REC114: variants seen among roughly 807,000 people sequenced by gnomAD.
REC114 encodes REC114 meiotic recombination protein, also known as meiotic recombination protein REC114.
Under a neutral mutation model 31.3 loss-of-function variants are expected in REC114, and 27 were observed. That is an observed-to-expected ratio of 0.86 (90% confidence interval 0.64 to 1.19). The LOEUF is 1.19. Ranked by LOEUF, REC114 falls within the 50% of genes most tolerant of loss-of-function variation. The pLI, the probability that REC114 is intolerant of heterozygous loss-of-function variation, is 0.00. For missense variants in REC114, 344 were observed against 326.9 expected (o/e 1.05, Z -0.40); for synonymous variants, 134 against 127.7 (o/e 1.05, Z -0.33).
chr15:73,546,300 C>T (rs1486113276), intron 3 of REC114, among the ~76,000 whole-genome samples: 1 of 152,002 alleles, frequency 6.6e-6, no homozygotes, highest in Non-Finnish European at 1.5e-5. Flanking sequence ...TGTCTTGCCA[C>T]AGGGGAGTTA....
chr15:73,469,168 G>A (rs1274840097), intron 1 of REC114, among the ~76,000 whole-genome samples: 2 of 152,140 alleles, frequency 1.3e-5, no homozygotes, highest in African/African-American at 4.8e-5. Flanking sequence ...GATTTGCTAT[G>A]TGCTTTTTCT....
chr15:73,495,615 CTTAG>C (rs1893510298), intron 2 of REC114, among the ~76,000 whole-genome samples: 1 of 151,450 alleles, frequency 6.6e-6, no homozygotes, highest in Non-Finnish European at 1.5e-5. Context: ...GCATAAGAAG[CTTAG>C]TTATAGTACT....
rs927101498 is a variant in REC114, at chr15:73,497,223, G to T, written c.249+23302G>T. On this transcript the variant is annotated intron_variant, in intron 2 of 5. Transcript: ENST00000331090. The stretch of plus-strand genomic sequence containing the variant: ...ACAATACTCTTGTCCACTAATTTTA[G>T]CATCAATTGGTGATTCTTGCCTGCA... Among the ~76,000 whole-genome samples, 13 of 152,074 alleles carry T rather than the reference G, an allele frequency of 8.5e-5. No homozygotes were observed. In the East Asian group the frequency reaches 2.5e-3, roughly 29 times the overall value.
chr15:73,544,377 T>C (rs1894281241), intron 3 of REC114, among the ~76,000 whole-genome samples: 1 of 152,220 alleles, frequency 6.6e-6, no homozygotes, highest in African/African-American at 2.4e-5. Flanking sequence ...CAAAACACTA[T>C]TATTTAATTG....
At chr15:73,540,659 T>G (rs1157715026) in intron 3 of REC114, 91 bp downstream of exon 3, 3 of 1,064,406 alleles carry the variant, frequency 2.8e-6, no homozygotes, top group Non-Finnish European at 2.9e-6. Context: ...AGGTGACGGG[T>G]ACTGGGAAGA....
chr15:73,480,225 T>C (rs1893274606), intron 2 of REC114, among the ~76,000 whole-genome samples: 1 of 152,154 alleles, frequency 6.6e-6, no homozygotes. Context: ...TGTTGGCCAT[T>C]TATGTCATTT....
chr15:73,473,303 C>T lies in REC114; in HGVS notation c.160-529C>T, dbSNP rs375278336. Among the ~76,000 whole-genome samples, 75 of 151,840 alleles carry T rather than the reference C, an allele frequency of 4.9e-4. 1 individual carries two copies. The highest frequency in any genetic ancestry group is 1.0e-4 in the Non-Finnish European group (7 of 67,966). ...ACTCGCGAGGCTGAGGCAGGAGAAT[C>T]GCTTGAACACAGGAGGCAGAGGTTG... On this transcript the variant is annotated intron_variant, in intron 1 of 5. Coordinates refer to ENST00000331090, the MANE Select transcript of REC114 (RefSeq NM_001042367.2).
chr15:73,513,561 C>T (rs1457441087), intron 2 of REC114, among the ~76,000 whole-genome samples: 12 of 150,270 alleles, frequency 8.0e-5, no homozygotes, highest in African/African-American at 2.9e-4. Context: ...CTGTTTTTTC[C>T]CCATCTTTGT....
At chr15:73,531,421 T>A (rs780459301) in intron 2 of REC114, among the ~76,000 whole-genome samples, 4 of 152,162 alleles carry the variant, frequency 2.6e-5, no homozygotes, top group Non-Finnish European at 5.9e-5. Flanking sequence ...GGCCACGGAG[T>A]GCATGGATGA....
chr15:73,513,623 G>A lies in REC114; in HGVS notation c.250-26862G>A, dbSNP rs879216231. Among the ~76,000 whole-genome samples, 1,244 of 151,958 alleles carry A rather than the reference G, an allele frequency of 8.2e-3. 8 individuals are homozygous for A. The highest frequency in any genetic ancestry group is 0.014 in the Non-Finnish European group (950 of 67,924). ...GATGGTGATGTACAGATGGGTTTTCGGTGTGGATGTCCTTTCTGTTTGTTA... is the reference window on the plus strand; with the variant it reads ...GATGGTGATGTACAGATGGGTTTTCAGTGTGGATGTCCTTTCTGTTTGTTA... On this transcript the variant is annotated intron_variant, in intron 2 of 5. Transcript: ENST00000331090.
chr15:73,554,248 A>G (rs1894431378), intron 4 of REC114, among the ~76,000 whole-genome samples: 1 of 152,198 alleles, frequency 6.6e-6, no homozygotes, highest in Non-Finnish European at 1.5e-5. Context: ...CACCTAGAAC[A>G]TTCTAGTTTT....
intron 5 of REC114, among the ~76,000 whole-genome samples, chr15:73,558,771 T>TA (rs2141340537): frequency 6.6e-6 from 1 of 152,314 alleles, no homozygotes; most frequent in East Asian, 1.9e-4. Context: ...CAAAGTTAAA[T>TA]ATACACTCAC....
chr15:73,502,266 A>AT (rs1893613755), intron 2 of REC114, among the ~76,000 whole-genome samples: 1 of 152,124 alleles, frequency 6.6e-6, no homozygotes, highest in African/African-American at 2.4e-5. Context: ...AGAAAAAAAA[A>AT]TATAAAAGCT....
intron 1 of REC114, among the ~76,000 whole-genome samples, chr15:73,458,495 T>G (rs1892947841): frequency 6.6e-6 from 1 of 152,160 alleles, no homozygotes; most frequent in South Asian, 2.1e-4. Context: ...ACAGGTAACA[T>G]TTTGTATTAG....
intron 2 of REC114, among the ~76,000 whole-genome samples, chr15:73,511,296 T>G (rs1490600824): frequency 6.6e-6 from 1 of 152,050 alleles, no homozygotes; most frequent in Admixed American, 6.6e-5. Flanking sequence ...GATATTCCCT[T>G]TATCATTTTT....
intron 2 of REC114, among the ~76,000 whole-genome samples, chr15:73,539,965 CTTTT>C (rs1311880226): frequency 6.6e-6 from 1 of 151,992 alleles, no homozygotes; most frequent in Non-Finnish European, 1.5e-5. Flanking sequence ...CCCTCTTTGC[CTTTT>C]TTTGTTTTTT....
chr15:73,515,024 C>T (rs1452345226), intron 2 of REC114, among the ~76,000 whole-genome samples: 1 of 151,090 alleles, frequency 6.6e-6, no homozygotes, highest in Admixed American at 6.6e-5. Context: ...ACTGCAGCCT[C>T]AACCTCCTGT....
intron 4 of REC114, among the ~76,000 whole-genome samples, chr15:73,551,665 C>T (rs1178939705): frequency 6.6e-6 from 1 of 152,144 alleles, no homozygotes; most frequent in Non-Finnish European, 1.5e-5. Context: ...AGGGAACGCA[C>T]CTGTGTGACA....
intron 1 of REC114, among the ~76,000 whole-genome samples, chr15:73,469,889 T>C (rs1228183748): frequency 6.6e-6 from 1 of 152,136 alleles, no homozygotes; most frequent in African/African-American, 2.4e-5. Context: ...TTTCACTGTG[T>C]TAGCCAGGGC....
Sources: gnomAD v4.1 joint callset for allele counts (sites outside exome capture counted in the v4.1 genomes callset) on GRCh38, gnomAD v4.1.1 for gene constraint, MANE v1.5 for transcripts, NCBI Gene and HGNC (gene_info 2026-07-23, HGNC 2026-07-21) for gene names.